INO80D: variants seen among roughly 807,000 people sequenced by gnomAD.
The protein encoded by INO80D is INO80 complex subunit D.
Under a neutral mutation model 87.6 loss-of-function variants are expected in INO80D, and 21 were observed. The observed-to-expected ratio is 0.24, with a 90% CI of 0.17 to 0.35. INO80D has a LOEUF of 0.35. Among genes scored for constraint, INO80D ranks in the 10% least tolerant of loss-of-function variants. The probability of loss-of-function intolerance (pLI) is 1.00; values close to 1 mark genes in which losing one functional copy is unlikely to be tolerated. For missense variants in INO80D, 982 were observed against 1,280.7 expected, an observed-to-expected ratio of 0.77 and a Z score of 3.56; for synonymous variants, 440 against 491.0, an observed-to-expected ratio of 0.90 and a Z score of 1.37.
At chr2:206,079,521 C>T (rs1368194915) in intron 1 of INO80D, among the ~76,000 whole-genome samples, 3 of 152,214 alleles carry the variant, frequency 2.0e-5, no homozygotes, top group Non-Finnish European at 4.4e-5. Context: ...CATTTACATC[C>T]AGTCCACCTA....
At chr2:206,043,600 G>A (rs538714025) in intron 5 of INO80D, among the ~76,000 whole-genome samples, 11 of 152,218 alleles carry the variant, frequency 7.2e-5, no homozygotes, top group African/African-American at 2.4e-4. Context: ...CCATTCTCCT[G>A]CCTCAGCCTC....
chr2:206,067,871 G>T (rs1235317373), intron 1 of INO80D, among the ~76,000 whole-genome samples: 2 of 152,060 alleles, frequency 1.3e-5, no homozygotes, highest in African/African-American at 4.8e-5. Flanking sequence ...GGGATGGAAG[G>T]ATGTGAAGTT....
intron 1 of INO80D, among the ~76,000 whole-genome samples, chr2:206,079,010 T>C (rs1690202489): frequency 6.6e-6 from 1 of 151,944 alleles, no homozygotes; most frequent in Non-Finnish European, 1.5e-5. Context: ...TATGAAAAGG[T>C]ACTGAAGAAA....
At chr2:206,032,911 G>A (rs1367801359) in intron 5 of INO80D, among the ~76,000 whole-genome samples, 1 of 152,060 alleles carries the variant, frequency 6.6e-6, no homozygotes, top group Non-Finnish European at 1.5e-5. Flanking sequence ...AAAAATACAA[G>A]TTAGAAAGTG....
chr2:206,037,228 A>G (rs918239733), intron 5 of INO80D, among the ~76,000 whole-genome samples: 2 of 152,228 alleles, frequency 1.3e-5, no homozygotes, highest in African/African-American at 4.8e-5. Context: ...GTTATTACTA[A>G]GATGCTATTA....
chr2:206,047,701 A>T (rs1003090134), intron 4 of INO80D, among the ~76,000 whole-genome samples: 7 of 151,942 alleles, frequency 4.6e-5, no homozygotes, highest in African/African-American at 1.7e-4. Context: ...GAGTCACTCT[A>T]CATTTCAACA....
chr2:206,049,854 G>A (rs1164187431), intron 4 of INO80D, among the ~76,000 whole-genome samples: 2 of 152,314 alleles, frequency 1.3e-5, no homozygotes, highest in Non-Finnish European at 2.9e-5. Flanking sequence ...AAGGGCGTCC[G>A]GGCATGGTGG....
At chr2:206,067,433 T>C (rs991074691) in intron 1 of INO80D, among the ~76,000 whole-genome samples, 1 of 152,034 alleles carries the variant, frequency 6.6e-6, no homozygotes, top group Non-Finnish European at 1.5e-5. Flanking sequence ...ATAATTATTA[T>C]ACAGTTTTGA....
Position 206,009,627 on chromosome 2 carries a change from G to T in INO80D, c.1710C>A (p.Asn570Lys). Residue 570 changes from asparagine to lysine, a missense_variant, in exon 9 of 11, where the codon AAC becomes AAA. Coordinates refer to ENST00000403263, the MANE Select transcript of INO80D (RefSeq NM_017759.5). ...GTGAGACGCTGGCGGGCATGCTGAG[G>T]TTCCCTTGGGGGACTGCAGGTGGAA... ...KPIPPAVPQG[N>K]LSMPASVSLP... 6.2e-7 allele frequency: 1 copy of T among 1,613,938 alleles called. No homozygotes were observed. Among genetic ancestry groups the T allele is most frequent in the East Asian group, 2.2e-5 (1 of 44,864 alleles).
intron 1 of INO80D, among the ~76,000 whole-genome samples, chr2:206,079,139 C>G (rs1459162403): frequency 6.6e-6 from 1 of 151,792 alleles, no homozygotes; most frequent in Non-Finnish European, 1.5e-5. Context: ...GTGGTGTGAT[C>G]AAGATTCACT....
intron 5 of INO80D, among the ~76,000 whole-genome samples, chr2:206,042,236 A>G (rs1689069543): frequency 6.6e-6 from 1 of 152,164 alleles, no homozygotes; most frequent in African/African-American, 2.4e-5. Context: ...AAGAGTCAAT[A>G]TTAGAAAACA....
At chr2:206,009,873 C>T in intron 8 of INO80D, 79 bp from the exon 9 acceptor site, 1 of 1,158,408 alleles carries the variant, frequency 8.6e-7, no homozygotes, top group Non-Finnish European at 1.2e-6. Context: ...TACTTACATC[C>T]CTTAATATTC....
chr2:206,004,263 C>T lies in INO80D; in HGVS notation c.*105G>A. The T allele has an allele frequency of 1.8e-6, 2 of 1,081,106 alleles. No homozygotes were observed. Among genetic ancestry groups the T allele is most frequent in the African/African-American group, 1.6e-5 (1 of 63,302 alleles). 67.0% of individuals were successfully genotyped at this position (1,081,106 alleles called of 1,614,324 possible). A position where few individuals can be genotyped will look rare whatever the true frequency, so the allele number is the denominator to read the frequency against. ...TGGGAAGGGGGGTGCCCCTCTGATCCCCATCTGTTATATCTTCTTTAGGAA... is the reference window on the plus strand; with the variant it reads ...TGGGAAGGGGGGTGCCCCTCTGATCTCCATCTGTTATATCTTCTTTAGGAA... On this transcript the variant is annotated 3_prime_UTR_variant, in exon 11 of 11. Transcript: ENST00000403263. This position sits in a 1 kb window ranked among gnomAD's most constrained non-coding sequence, Gnocchi z 4.9.
In INO80D at chr2:206,004,256, T is replaced by G; in HGVS notation, c.*112A>C. 2.0e-6 allele frequency: 2 copies of G among 1,022,832 alleles called. No homozygotes were observed. Among genetic ancestry groups the G allele is most frequent in the Admixed American group, 2.3e-5 (1 of 42,782 alleles). 63.4% of individuals were successfully genotyped at this position (1,022,832 alleles called of 1,614,324 possible). A position where few individuals can be genotyped will look rare whatever the true frequency, so the allele number is the denominator to read the frequency against. On this transcript the variant is annotated 3_prime_UTR_variant, in exon 11 of 11. Transcript: ENST00000403263. The surrounding 1 kb of genome is among the most constrained non-coding windows in gnomAD (Gnocchi z 4.9). ...ATTGAACTGGGAAGGGGGGTGCCCCTCTGATCCCCATCTGTTATATCTTCT... is the reference window on the plus strand; with the variant it reads ...ATTGAACTGGGAAGGGGGGTGCCCCGCTGATCCCCATCTGTTATATCTTCT...
rs370911158 is a variant in INO80D, at chr2:206,028,384, A to G, written c.1074-49T>C. The G allele has an allele frequency of 6.3e-6, 9 of 1,417,906 alleles. No individual in the cohort carries two copies. In the East Asian group the frequency reaches 6.9e-5, roughly 11 times the overall value. 87.8% of individuals were successfully genotyped at this position (1,417,906 alleles called of 1,614,324 possible). On this transcript the variant is annotated intron_variant, in intron 5 of 10. Transcript: ENST00000403263. ...GAAAAACTGATTACACATTAGGCTC[A>G]TTTTAGACAGGGTAAACGAGAATTA...
chr2:206,062,837 T>C lies in INO80D; in HGVS notation c.180A>G (p.Gln60=), dbSNP rs377325930. The C allele has an allele frequency of 8.1e-6, 13 of 1,612,838 alleles. No individual in the cohort carries two copies. The African/African-American group carries it at 1.3e-4, about 17-fold the overall frequency. ...QCEYVAKYNS[Q]RCTNPIPKSE... ...ATTTGGGGATGGGGTTGGTGCAGCG[T>C]TGGCTGTTATACTTGGCCACATATT... Residue 60 remains glutamine (Q), a synonymous_variant, in exon 3 of 11, where the codon CAA becomes CAG. Coordinates refer to ENST00000403263, the MANE Select transcript of INO80D (RefSeq NM_017759.5). The surrounding 1 kb of genome is among the most constrained non-coding windows in gnomAD (Gnocchi z 4.6).
At chr2:206,024,050 A>G (rs1474508594) in intron 6 of INO80D, among the ~76,000 whole-genome samples, 1 of 152,226 alleles carries the variant, frequency 6.6e-6, no homozygotes, top group Non-Finnish European at 1.5e-5. Flanking sequence ...ATACATTTAC[A>G]TACAAATTGG....
Position 206,011,946 on chromosome 2 carries a change from G to A in INO80D, c.1543-2152C>T, listed in dbSNP as rs530870456. 5.3e-5 allele frequency among the ~76,000 whole-genome samples: 8 copies of A among 152,338 alleles called. No individual in the cohort carries two copies. The South Asian group carries it at 1.7e-3, about 32-fold the overall frequency. ...AGGGTAACAGGCAGGTGGAAGACTTGTGTGATGAGACAACACATGGTAACA... is the reference window on the plus strand; with the variant it reads ...AGGGTAACAGGCAGGTGGAAGACTTATGTGATGAGACAACACATGGTAACA... On this transcript the variant is annotated intron_variant, in intron 8 of 10. Coordinates refer to ENST00000403263, the MANE Select transcript of INO80D (RefSeq NM_017759.5).
At chr2:206,081,579 C>T (rs961511713) in intron 1 of INO80D, among the ~76,000 whole-genome samples, 7 of 151,804 alleles carry the variant, frequency 4.6e-5, no homozygotes, top group Non-Finnish European at 7.4e-5. Flanking sequence ...ATGGGGAAAC[C>T]CTGTCTCTAC....
Sources: allele counts gnomAD v4.1 joint callset (sites outside exome capture counted in the v4.1 genomes callset), GRCh38; gene constraint gnomAD v4.1.1; non-coding constraint Gnocchi (gnomAD v3.1); transcripts MANE v1.5; gene names NCBI Gene and HGNC (gene_info 2026-07-23, HGNC 2026-07-21).